TENT5D: variants seen among roughly 807,000 people sequenced by gnomAD.
The protein encoded by TENT5D is cancer/testis antigen 112.
For synonymous variants in TENT5D, 103 were observed against 100.6 expected, an observed-to-expected ratio of 1.02 and a Z score of -0.15; for missense variants, 191 against 287.0, an observed-to-expected ratio of 0.67 and a Z score of 2.42.
At chrX:80,418,329 T>G (rs1345701669), upstream of TENT5D, among the ~76,000 whole-genome samples, 1 of 110,728 alleles carries the variant, frequency 9.0e-6, no homozygotes, top group East Asian at 2.9e-4. Flanking sequence ...TTTTAAATTT[T>G]TTTTCAAAGA....
At chrX:80,336,986 T>C (rs1173393806) in intron 2 of TENT5D, among the ~76,000 whole-genome samples, 1 of 111,975 alleles carries the variant, frequency 8.9e-6, no homozygotes, top group Non-Finnish European at 1.9e-5. Flanking sequence ...TAAATTTGAC[T>C]CCAAAAATTT....
chrX:80,410,138 C>A (rs1931614932), intron 3 of TENT5D, among the ~76,000 whole-genome samples: 2 of 106,264 alleles, frequency 1.9e-5, no homozygotes, highest in Admixed American at 2.1e-4. Context: ...ACCATAAAAA[C>A]CCTAGAAGAA....
Position 80,379,774 on chromosome X carries a change from A to T in TENT5D, c.-142+37210A>T, listed in dbSNP as rs1172751681. On this transcript the variant is annotated intron_variant, in intron 3 of 4. Coordinates refer to the TENT5D transcript ENST00000538312. Reference sequence around the variant, plus strand: ...GGTGTTTACAGTATTCTCTGATGGTAGTTTGTATTTCTGTGGGATCTGTGG... The same window carrying T: ...GGTGTTTACAGTATTCTCTGATGGTTGTTTGTATTTCTGTGGGATCTGTGG... Among the ~76,000 whole-genome samples, 3 of 110,723 alleles carry T rather than the reference A, an allele frequency of 2.7e-5. 1 individual carries two copies. Among genetic ancestry groups the T allele is most frequent in the Non-Finnish European group, 5.7e-5 (3 of 52,965 alleles).
Position 80,377,559 on chromosome X carries a change from A to G in TENT5D, c.-142+34995A>G, listed in dbSNP as rs1569361599. Among the ~76,000 whole-genome samples, 2 of 111,788 alleles carry G rather than the reference A, an allele frequency of 1.8e-5. 1 individual carries two copies. The highest frequency in any genetic ancestry group is 1.9e-4 in the Admixed American group (2 of 10,479). Reference sequence around the variant, plus strand: ...CTTCATCCATGTCCCTACAAAGGACATGAACTCATCATTTCTTATGGCTGC... The same window carrying G: ...CTTCATCCATGTCCCTACAAAGGACGTGAACTCATCATTTCTTATGGCTGC... On this transcript the variant is annotated intron_variant, in intron 3 of 4. Transcript: ENST00000538312.
intron 2 of TENT5D, among the ~76,000 whole-genome samples, chrX:80,341,710 C>CTTTTT (rs1051286979): frequency 3.4e-4 from 31 of 91,420 alleles, no homozygotes; most frequent in Non-Finnish European, 5.8e-4. Context: ...TAATTCTTTT[C>CTTTTT]TTTTTTTTTT....
chrX:80,351,288 C>T (rs1930173403), intron 3 of TENT5D, among the ~76,000 whole-genome samples: 2 of 109,709 alleles, frequency 1.8e-5, no homozygotes, highest in Non-Finnish European at 1.9e-5. Context: ...CCCAATCAAT[C>T]GTAGGTTTGG....
At chrX:80,406,150 GA>G (rs1269755288) in intron 3 of TENT5D, among the ~76,000 whole-genome samples, 1 of 111,495 alleles carries the variant, frequency 9.0e-6, no homozygotes, top group Non-Finnish European at 1.9e-5. Flanking sequence ...AAGATGGGGA[GA>G]AAAAAGAACA....
At chrX:80,414,566 T>G (rs955355357) in intron 3 of TENT5D, among the ~76,000 whole-genome samples, 1 of 112,112 alleles carries the variant, frequency 8.9e-6, no homozygotes, top group African/African-American at 3.2e-5. Flanking sequence ...TTACAGTCAG[T>G]ATGTGTAAGA....
intron 3 of TENT5D, among the ~76,000 whole-genome samples, chrX:80,349,294 T>G (rs1930127117): frequency 9.0e-6 from 1 of 111,670 alleles, no homozygotes; most frequent in African/African-American, 3.3e-5. Context: ...GTCCTGGGCT[T>G]TTTTTGGTTG....
chrX:80,361,859 G>A (rs781673220), intron 3 of TENT5D, among the ~76,000 whole-genome samples: 5 of 111,608 alleles, frequency 4.5e-5, no homozygotes, highest in Non-Finnish European at 7.5e-5. Context: ...TTTAGATTCA[G>A]GTGCTGCATG....
chrX:80,411,218 C>T (rs1931657968), intron 3 of TENT5D, among the ~76,000 whole-genome samples: 1 of 108,434 alleles, frequency 9.2e-6, no homozygotes, highest in South Asian at 4.1e-4. Context: ...ACAATGTGCA[C>T]ATGTACCCTA....
intron 3 of TENT5D, among the ~76,000 whole-genome samples, chrX:80,411,702 T>G (rs1173128866): frequency 1.3e-4 from 15 of 112,600 alleles, no homozygotes; most frequent in Non-Finnish European, 2.8e-4. Flanking sequence ...AAATTGGAAA[T>G]GACCCAGACA....
chrX:80,381,255 C>T (rs368521420), intron 3 of TENT5D, among the ~76,000 whole-genome samples: 5 of 111,875 alleles, frequency 4.5e-5, no homozygotes, highest in South Asian at 7.4e-4. Flanking sequence ...TGGGTTGAAA[C>T]TTCTTTTCTT....
intron 3 of TENT5D, among the ~76,000 whole-genome samples, chrX:80,395,215 G>A (rs1014494941): frequency 8.0e-5 from 9 of 111,978 alleles, no homozygotes; most frequent in South Asian, 3.7e-4. Context: ...TTTTATGGTT[G>A]AGTCATACTC....
intron 2 of TENT5D, among the ~76,000 whole-genome samples, chrX:80,340,196 A>G (rs928713346): frequency 1.8e-5 from 2 of 110,964 alleles, no homozygotes; most frequent in Middle Eastern, 4.7e-3. Flanking sequence ...CCTTATCTCT[A>G]TGATTTTACT....
intron 3 of TENT5D, among the ~76,000 whole-genome samples, chrX:80,376,778 C>T (rs1268169919): frequency 2.7e-5 from 3 of 111,564 alleles, no homozygotes; most frequent in African/African-American, 9.7e-5. Context: ...ATTTTAAGGT[C>T]AAACATAGCA....
At chrX:80,374,808 A>G (rs1930694096) in intron 3 of TENT5D, among the ~76,000 whole-genome samples, 1 of 111,344 alleles carries the variant, frequency 9.0e-6, no homozygotes, top group Admixed American at 9.6e-5. Flanking sequence ...AGGGTTTCAG[A>G]TTACAGATTT....
chrX:80,414,051 T>C (rs2147555561), intron 3 of TENT5D, among the ~76,000 whole-genome samples: 1 of 111,794 alleles, frequency 8.9e-6, no homozygotes, highest in African/African-American at 3.2e-5. Context: ...TCTGAAGCTG[T>C]TCTCTGTCAT....
intron 3 of TENT5D, among the ~76,000 whole-genome samples, chrX:80,386,578 C>T (rs904794663): frequency 9.0e-6 from 1 of 110,999 alleles, no homozygotes; most frequent in African/African-American, 3.3e-5. Flanking sequence ...AATAAAAAAT[C>T]TAAAAAAATA....
Sources: allele counts gnomAD v4.1 joint callset (sites outside exome capture counted in the v4.1 genomes callset), GRCh38; gene constraint gnomAD v4.1.1; transcripts MANE v1.5; gene names NCBI Gene and HGNC (gene_info 2026-07-23, HGNC 2026-07-21).